CLIC5: variants seen among roughly 807,000 people sequenced by gnomAD.
The protein encoded by CLIC5 is chloride intracellular channel protein 5.
In CLIC5, 20 loss-of-function variants were observed where a neutral mutation model predicts 24.7. That is an observed-to-expected ratio of 0.81 (90% CI 0.57 to 1.18). CLIC5 has a LOEUF of 1.18. Ranked by LOEUF, CLIC5 falls within the 50% of genes most tolerant of loss-of-function variation. The pLI, the probability that CLIC5 is intolerant of heterozygous loss-of-function variation, is 0.00. For missense variants in CLIC5, 341 were observed against 326.1 expected, an observed-to-expected ratio of 1.05 and a Z score of -0.35; for synonymous variants, 159 against 135.6, an observed-to-expected ratio of 1.17 and a Z score of -1.20.
chr6:46,022,393 C>G (rs1310792353), intron 1 of CLIC5, among the ~76,000 whole-genome samples: 1 of 152,178 alleles, frequency 6.6e-6, no homozygotes, highest in East Asian at 1.9e-4. Context: ...CTTACATTCT[C>G]TGCAGGAGAT....
intron 1 of CLIC5, among the ~76,000 whole-genome samples, chr6:46,066,192 C>T (rs1399708186): frequency 6.6e-6 from 1 of 152,074 alleles, no homozygotes; most frequent in Non-Finnish European, 1.5e-5. Context: ...AAACAATCAA[C>T]CTATTCAAAG....
intron 4 of CLIC5, among the ~76,000 whole-genome samples, chr6:45,931,786 C>A (rs1234065503): frequency 6.6e-6 from 1 of 151,986 alleles, no homozygotes; most frequent in African/African-American, 2.4e-5. Context: ...AGCCTCCCAA[C>A]TAGCTGGAAT....
intron 1 of CLIC5, among the ~76,000 whole-genome samples, chr6:45,984,738 G>A (rs765122266): frequency 3.3e-5 from 5 of 152,128 alleles, no homozygotes; most frequent in South Asian, 4.1e-4. Context: ...GCCATTCAGC[G>A]AGCAGCTTTG....
chr6:46,036,030 C>T (rs1344877618), intron 1 of CLIC5, among the ~76,000 whole-genome samples: 1 of 152,032 alleles, frequency 6.6e-6, no homozygotes, highest in African/African-American at 2.4e-5. Context: ...CAGGCGTGAG[C>T]AAGCATGCCC....
chr6:45,883,523 T>G (rs1455932364), intron 6 of CLIC5, among the ~76,000 whole-genome samples: 18 of 152,190 alleles, frequency 1.2e-4, no homozygotes, highest in Admixed American at 1.2e-3. Context: ...GGCAGTGTCA[T>G]CACTGAGGAG....
chr6:46,045,628 A>G (rs983416848), intron 1 of CLIC5, among the ~76,000 whole-genome samples: 12 of 152,354 alleles, frequency 7.9e-5, no homozygotes, highest in African/African-American at 2.9e-4. Context: ...TTGATCAAAC[A>G]AGACACGTGA....
chr6:45,889,370 C>T (rs1363058016), intron 6 of CLIC5, among the ~76,000 whole-genome samples: 3 of 152,126 alleles, frequency 2.0e-5, no homozygotes, highest in African/African-American at 7.2e-5. Context: ...TCTAAAGGCA[C>T]CACCTCCTAA....
intron 1 of CLIC5, among the ~76,000 whole-genome samples, chr6:46,056,725 G>A (rs1245723640): frequency 2.0e-5 from 3 of 152,052 alleles, no homozygotes; most frequent in African/African-American, 7.2e-5. Flanking sequence ...AAGCCTTATT[G>A]GGGGACTCTA....
chr6:45,980,706 T>G (rs1270064908), intron 1 of CLIC5, among the ~76,000 whole-genome samples: 3 of 143,402 alleles, frequency 2.1e-5, no homozygotes, highest in Non-Finnish European at 3.1e-5. Flanking sequence ...TTCCAATAAT[T>G]AAAAAAAAAA....
At chr6:46,068,575 C>A (rs1457334322) in intron 1 of CLIC5, among the ~76,000 whole-genome samples, 1 of 152,010 alleles carries the variant, frequency 6.6e-6, no homozygotes, top group Non-Finnish European at 1.5e-5. Flanking sequence ...TGTTATGGCC[C>A]GAATTGTATA....
At chr6:46,031,816 T>G (rs1455712927) in intron 1 of CLIC5, among the ~76,000 whole-genome samples, 2 of 150,594 alleles carry the variant, frequency 1.3e-5, no homozygotes, top group Non-Finnish European at 3.0e-5. Context: ...AATCAAACTA[T>G]GAAAGAGTGC....
intron 1 of CLIC5, among the ~76,000 whole-genome samples, chr6:45,958,302 C>A: frequency 6.6e-6 from 1 of 151,176 alleles, no homozygotes; most frequent in Admixed American, 6.6e-5. Context: ...CTGCCCACAC[C>A]TTGATTTTGA....
At chr6:46,005,033 A>G (rs1766500197) in intron 1 of CLIC5, among the ~76,000 whole-genome samples, 2 of 152,220 alleles carry the variant, frequency 1.3e-5, no homozygotes, top group South Asian at 4.1e-4. Context: ...GACGGGGCCC[A>G]TGCACACTGG....
intron 4 of CLIC5, chr6:45,920,707 G>T: frequency 1.0e-6 from 1 of 967,218 alleles, no homozygotes; most frequent in Middle Eastern, 5.3e-4. Flanking sequence ...AAGAGGAAGA[G>T]ACACTGAGAG....
chr6:46,044,547 G>A (rs1313640748), intron 1 of CLIC5, among the ~76,000 whole-genome samples: 1 of 152,150 alleles, frequency 6.6e-6, no homozygotes, highest in Non-Finnish European at 1.5e-5. Context: ...TCAGGGCAAA[G>A]GTAAAATGGA....
chr6:45,893,215 T>G (rs1050413421), intron 6 of CLIC5, among the ~76,000 whole-genome samples: 4 of 151,770 alleles, frequency 2.6e-5, no homozygotes, highest in African/African-American at 9.7e-5. Flanking sequence ...GGGCCAAATA[T>G]TTAGTGCCAC....
chr6:45,996,834 C>G (rs1581841019), intron 1 of CLIC5, among the ~76,000 whole-genome samples: 1 of 151,688 alleles, frequency 6.6e-6, no homozygotes, highest in Non-Finnish European at 1.5e-5. Context: ...GAATGGCAAT[C>G]ATTAAAAAGT....
Position 45,914,267 on chromosome 6 carries a change from C to A in CLIC5, c.549G>T (p.Leu183=), listed in dbSNP as rs1394870017. 1 of 1,607,862 alleles carries A rather than the reference C, an allele frequency of 6.2e-7. No individual in the cohort carries two copies. Among genetic ancestry groups the A allele is most frequent in the South Asian group, 1.1e-5 (1 of 90,258 alleles). Reference sequence around the variant, plus strand: ...GCTTGGGCAACAGATTGCAGTCAGCCAGGGTCAGCTCATCCCCATCCAGGA... The same window carrying A: ...GCTTGGGCAACAGATTGCAGTCAGCAAGGGTCAGCTCATCCCCATCCAGGA... ...RKFLDGDELT[L]ADCNLLPKLH... The change falls in exon 5 of 6, where the codon CTG becomes CTT. Residue 183 remains leucine, a synonymous_variant. Coordinates refer to ENST00000339561, the MANE Select transcript of CLIC5 (RefSeq NM_016929.5).
chr6:46,025,551 T>C (rs1263836001), intron 1 of CLIC5, among the ~76,000 whole-genome samples: 1 of 152,188 alleles, frequency 6.6e-6, no homozygotes, highest in Non-Finnish European at 1.5e-5. Context: ...TATGACTTTA[T>C]TACTAATGTG....
Sources: allele counts gnomAD v4.1 joint callset (sites outside exome capture counted in the v4.1 genomes callset), GRCh38; gene constraint gnomAD v4.1.1; transcripts MANE v1.5; gene names NCBI Gene and HGNC (gene_info 2026-07-23, HGNC 2026-07-21).